Variants in ZNF431 observed in about 807,000 individuals in gnomAD.
ZNF431 encodes zinc finger protein 431.
ZNF431 carries 34 observed loss-of-function variants against 57.0 expected under a neutral mutation model. The observed-to-expected ratio is 0.60, with a 90% CI of 0.45 to 0.79. ZNF431 has a LOEUF of 0.79. Ranked by LOEUF, ZNF431 falls within the 30% of genes least tolerant of loss-of-function variation. The pLI, the probability that ZNF431 is intolerant of heterozygous loss-of-function variation, is 0.00. For synonymous variants in ZNF431, 207 were observed against 220.3 expected, an observed-to-expected ratio of 0.94 and a Z score of 0.54; for missense variants, 607 against 667.1, an observed-to-expected ratio of 0.91 and a Z score of 0.99.
At chr19:21,177,680 T>C (rs902357779) in intron 4 of ZNF431, among the ~76,000 whole-genome samples, 1 of 151,952 alleles carries the variant, frequency 6.6e-6, no homozygotes, top group Non-Finnish European at 1.5e-5. Flanking sequence ...CCTAGCTACT[T>C]GGGAGGCTGA....
intron 2 of ZNF431, among the ~76,000 whole-genome samples, chr19:21,160,250 T>G (rs1032555747): frequency 2.0e-5 from 3 of 152,132 alleles, no homozygotes; most frequent in African/African-American, 7.2e-5. Flanking sequence ...AAACCCCGCT[T>G]TGAGAATGTG....
In ZNF431 at chr19:21,194,017, A is replaced by G. The variant is rs895210816; in HGVS notation, c.*9983A>G. ...ACATAGTTCTGGAAGTGCTGGATAAATCTAACAAAATGAAAAAATAAATGG... is the reference window on the plus strand; with the variant it reads ...ACATAGTTCTGGAAGTGCTGGATAAGTCTAACAAAATGAAAAAATAAATGG... On this transcript the variant is annotated 3_prime_UTR_variant, in exon 5 of 5. Coordinates refer to ENST00000311048, the MANE Select transcript of ZNF431 (RefSeq NM_133473.4). The G allele has an allele frequency of 6.6e-6, 1 of 152,176 alleles. No homozygotes were observed. The highest frequency in any genetic ancestry group is 1.5e-5 in the Non-Finnish European group (1 of 68,022). 9.4% of individuals were successfully genotyped at this position (152,176 alleles called of 1,614,324 possible). A position where few individuals can be genotyped will look rare whatever the true frequency, so the allele number is the denominator to read the frequency against.
rs757799689 is a variant in ZNF431, at chr19:21,166,436, A to G, written c.198A>G (p.Glu66=). ...ATTTATATATGAATGTGATGTTAGA[A>G]AACTACAAAAACCTGGTCTTCTTGG... is the stretch of plus-strand genomic sequence containing the variant. The part of the protein sequence containing the change: ...QQNLYMNVML[E]NYKNLVFLGV... The change falls in exon 3 of 5, where the codon GAA becomes GAG. Residue 66 remains glutamate (E), a synonymous_variant. Coordinates refer to ENST00000311048, the MANE Select transcript of ZNF431 (RefSeq NM_133473.4). 22 of 1,609,988 alleles carry G rather than the reference A, an allele frequency of 1.4e-5. No homozygotes were observed. Among genetic ancestry groups the G allele is most frequent in the South Asian group, 2.2e-5 (2 of 89,938 alleles).
rs551032081 is a variant in ZNF431, at chr19:21,150,212, G to GA, written c.96+6574dup. ...GCCCTGGGTGAACTGGTTAATCACAGAAAAACACTTTCAGCCGCCTATAGA... is the reference window on the plus strand; with the variant it reads ...GCCCTGGGTGAACTGGTTAATCACAGAAAAAACACTTTCAGCCGCCTATAGA... On this transcript the variant is annotated intron_variant, in intron 2 of 4. Coordinates refer to ENST00000311048, the MANE Select transcript of ZNF431 (RefSeq NM_133473.4). 387 of 546,902 alleles carry GA rather than the reference G, an allele frequency of 7.1e-4. 6 individuals are homozygous for GA. The East Asian group carries it at 0.015, about 21-fold the overall frequency. The allele number at this position is 546,902 out of a possible 1,614,324, so 33.9% of individuals were successfully genotyped here.
chr19:21,162,640 G>GC, intron 2 of ZNF431: 1 of 836,338 alleles, frequency 1.2e-6, no homozygotes, highest in South Asian at 5.5e-5. Flanking sequence ...TTTAGGTCTG[G>GC]CCCCACCCTG....
chr19:21,195,557 A>G lies in ZNF431; in HGVS notation c.*11523A>G, dbSNP rs1472998320. On this transcript the variant is annotated 3_prime_UTR_variant, in exon 5 of 5. Transcript: ENST00000311048. ...AACTCTAATACAGAACACTTAATGT[A>G]TCAGACAACCATGATTATGATGTAT... 1 of 152,254 alleles carries G rather than the reference A, an allele frequency of 6.6e-6. No individual in the cohort carries two copies. The highest frequency in any genetic ancestry group is 6.5e-5 in the Admixed American group (1 of 15,282). 9.4% of individuals were successfully genotyped at this position (152,254 alleles called of 1,614,324 possible).
intron 4 of ZNF431, among the ~76,000 whole-genome samples, chr19:21,181,559 A>G (rs550362242): frequency 6.6e-6 from 1 of 152,114 alleles, no homozygotes; most frequent in South Asian, 2.1e-4. Flanking sequence ...TGTGTTTGTT[A>G]TAAATATCTT....
chr19:21,175,735 T>C (rs1211079877), intron 4 of ZNF431, among the ~76,000 whole-genome samples: 1 of 152,244 alleles, frequency 6.6e-6, no homozygotes, highest in Non-Finnish European at 1.5e-5. Flanking sequence ...TCCATCTCTG[T>C]CTTTGCAAAG....
rs984487079 is a variant in ZNF431 at position 21,150,475 on chromosome 19, T to A, written c.96+6832T>A. 5 of 209,740 alleles carry A rather than the reference T, an allele frequency of 2.4e-5. 1 individual carries two copies. The South Asian group carries it at 4.1e-4, about 17-fold the overall frequency. 13.0% of individuals were successfully genotyped at this position (209,740 alleles called of 1,614,324 possible). A position where few individuals can be genotyped will look rare whatever the true frequency, so the allele number is the denominator to read the frequency against. On this transcript the variant is annotated intron_variant, in intron 2 of 4. Transcript: ENST00000311048. ...GGAGGAGAGCTTCTTTGTCAGTTTC[T>A]TAACTGGATTACTAGTTTCAGCGTG...
Position 21,194,244 on chromosome 19 carries a change from GTTTTC to G in ZNF431, c.*10214_*10218del, listed in dbSNP as rs536123042. ...CAAGCTGAGAACAAAATCAAGAACA[GTTTTC>G]TTTACAATAGCCATAAACAAAAAAT... On this transcript the variant is annotated 3_prime_UTR_variant, in exon 5 of 5. Transcript: ENST00000311048. 8.6e-4 allele frequency: 131 copies of G among 152,172 alleles called. 1 individual carries two copies. The highest frequency in any genetic ancestry group is 2.9e-3 in the African/African-American group (122 of 41,528). 9.4% of individuals were successfully genotyped at this position (152,172 alleles called of 1,614,324 possible).
chr19:21,147,439 G>T (rs1970132180), intron 2 of ZNF431, among the ~76,000 whole-genome samples: 1 of 152,056 alleles, frequency 6.6e-6, no homozygotes, highest in Non-Finnish European at 1.5e-5. Flanking sequence ...GCAGTGAGCT[G>T]AGATTGCATC....
chr19:21,179,298 C>CA (rs113192294), intron 4 of ZNF431, among the ~76,000 whole-genome samples: 16 of 151,212 alleles, frequency 1.1e-4, no homozygotes, highest in South Asian at 4.2e-4. Flanking sequence ...TTAGTTTTGT[C>CA]AAAAAAAACC....
intron 2 of ZNF431, among the ~76,000 whole-genome samples, chr19:21,144,748 G>A (rs549897037): frequency 6.6e-6 from 1 of 152,236 alleles, no homozygotes; most frequent in Non-Finnish European, 1.5e-5. Flanking sequence ...CATTCTGGCT[G>A]TACAGAATGA....
chr19:21,146,098 T>A (rs940847671), intron 2 of ZNF431, among the ~76,000 whole-genome samples: 1 of 152,066 alleles, frequency 6.6e-6, no homozygotes, highest in Non-Finnish European at 1.5e-5. Context: ...GAGGTCCCAA[T>A]CCAAGCCCCA....
rs1342315637 is a variant in ZNF431 at position 21,189,711 on chromosome 19, C to T, written c.*5677C>T. The stretch of plus-strand genomic sequence containing the variant: ...CTTGCATCTGATGGTCACCATTTTA[C>T]TCTCTACATCAATGGGATTAAGTTT... On this transcript the variant is annotated 3_prime_UTR_variant, in exon 5 of 5. Transcript: ENST00000311048. 4 of 389,738 alleles carry T rather than the reference C, an allele frequency of 1.0e-5. No homozygotes were observed. The East Asian group carries it at 1.1e-4, about 11-fold the overall frequency. The allele number at this position is 389,738 out of a possible 1,614,324, so 24.1% of individuals were successfully genotyped here.
intron 2 of ZNF431, among the ~76,000 whole-genome samples, chr19:21,158,639 A>G (rs893393844): frequency 4.6e-5 from 7 of 152,000 alleles, no homozygotes; most frequent in Non-Finnish European, 8.8e-5. Flanking sequence ...TTTGGCTTGG[A>G]TGTTGTTGAT....
chr19:21,153,303 T>C (rs967790224), intron 2 of ZNF431, among the ~76,000 whole-genome samples: 1 of 152,288 alleles, frequency 6.6e-6, no homozygotes, highest in East Asian at 1.9e-4. Flanking sequence ...AGTTAGAATG[T>C]CTAACCATCT....
intron 2 of ZNF431, among the ~76,000 whole-genome samples, chr19:21,148,102 T>C (rs1217105002): frequency 6.6e-6 from 1 of 152,052 alleles, no homozygotes; most frequent in Non-Finnish European, 1.5e-5. Context: ...TTCAAGTGAT[T>C]CTCCTGCCTC....
Position 21,172,078 on chromosome 19 carries a change from G to A in ZNF431, c.319+4412G>A, listed in dbSNP as rs186107247. 2.2e-3 allele frequency among the ~76,000 whole-genome samples: 335 copies of A among 151,698 alleles called. 5 individuals are homozygous for A. Among genetic ancestry groups the A allele is most frequent in the Non-Finnish European group, 2.6e-3 (177 of 67,954 alleles). On this transcript the variant is annotated intron_variant, in intron 4 of 4. Coordinates refer to ENST00000311048, the MANE Select transcript of ZNF431 (RefSeq NM_133473.4). The stretch of plus-strand genomic sequence containing the variant: ...TTTTGTGATTTGAAGGATATTTTGA[G>A]AAGATTTATAATTCTGTATTTTTTT...
Sources: gnomAD v4.1 joint callset for allele counts (sites outside exome capture counted in the v4.1 genomes callset) on GRCh38, gnomAD v4.1.1 for gene constraint, MANE v1.5 for transcripts, NCBI Gene and HGNC (gene_info 2026-07-23, HGNC 2026-07-21) for gene names.